Variants in PADI4 observed in about 807,000 individuals in gnomAD.
PADI4 encodes peptidyl arginine deiminase 4.
PADI4 carries 62 observed loss-of-function variants against 75.0 expected under a neutral mutation model. That is an observed-to-expected ratio of 0.83 (90% confidence interval 0.67 to 1.02). The LOEUF (loss-of-function observed/expected upper bound fraction) is 1.02, where lower values mean the gene tolerates loss of function less well. Ranked by LOEUF, PADI4 falls within the 50% of genes least tolerant of loss-of-function variation. The pLI is 0.00. For missense variants in PADI4, 845 were observed against 850.5 expected (o/e 0.99, Z 0.08); for synonymous variants, 361 against 348.1 (o/e 1.04, Z -0.41).
Position 17,340,790 on chromosome 1 carries a change from CTTT to C in PADI4, c.652+992_652+994del, listed in dbSNP as rs138301211. Among the ~76,000 whole-genome samples the C allele has an allele frequency of 7.4e-3, 935 of 126,886 alleles. 10 individuals carry two copies. The highest frequency in any genetic ancestry group is 0.026 in the African/African-American group (869 of 34,062). 83.2% of individuals were successfully genotyped at this position (126,886 alleles called of 152,430 possible). ...ATCATTCTGCCTGGTCTATTCCAAG[CTTT>C]TTTTTTTTTTTTTTAATTTTTTTTT... is the stretch of plus-strand genomic sequence containing the variant. On this transcript the variant is annotated intron_variant, in intron 6 of 15. Coordinates refer to ENST00000375448, the MANE Select transcript of PADI4 (RefSeq NM_012387.3).
intron 1 of PADI4, among the ~76,000 whole-genome samples, chr1:17,325,507 T>A (rs952608734): frequency 6.6e-6 from 1 of 152,142 alleles, no homozygotes; most frequent in African/African-American, 2.4e-5. Context: ...ACTTTTGTCT[T>A]TTTATTTATT....
intron 1 of PADI4, among the ~76,000 whole-genome samples, chr1:17,308,617 G>C (rs1569959427): frequency 1.3e-5 from 2 of 152,340 alleles, no homozygotes; most frequent in South Asian, 4.1e-4. Flanking sequence ...CTTACAGAGA[G>C]TCTGTGACTT....
chr1:17,348,870 C>T (rs1191511266), intron 10 of PADI4: 1 of 152,248 alleles, frequency 6.6e-6, no homozygotes, highest in East Asian at 1.9e-4. Context: ...CTGGCAGCCC[C>T]TTGGCTCAAG....
At chr1:17,355,290 A>G (rs1325732618) in intron 11 of PADI4, among the ~76,000 whole-genome samples, 1 of 152,160 alleles carries the variant, frequency 6.6e-6, no homozygotes, top group Admixed American at 6.5e-5. Context: ...AGTGGCTCAC[A>G]CCTGTAATCC....
chr1:17,339,726 AC>A lies in PADI4; in HGVS notation c.570del (p.Lys191ArgfsTer21). On this transcript the variant is annotated frameshift_variant, in exon 6 of 16. Transcript: ENST00000375448. LOFTEE classifies it high-confidence loss of function. ...GTCGCTGATGACCCTGAGCACGAAG[AC>A]CCCCAAGGACTTCTTCACAAACCAT... ...DMSLMTLSTKTPKDFFTNHTL... is the reference protein window; with the variant it reads ...DMSLMTLSTKXPKDFFTNHTL... 1 of 1,613,734 alleles carries A rather than the reference AC, an allele frequency of 6.2e-7. No individual in the cohort carries two copies. The highest frequency in any genetic ancestry group is 8.5e-7 in the Non-Finnish European group (1 of 1,179,878).
In PADI4 at chr1:17,346,282, T is replaced by C; in HGVS notation, c.1047+143T>C. ...AGGGAGATAGGAACCTGAGAGATCC[T>C]TGGGCCGGGAGGCTCAAGCAAGTGA... On this transcript the variant is annotated intron_variant, in intron 9 of 15. Coordinates refer to ENST00000375448, the MANE Select transcript of PADI4 (RefSeq NM_012387.3). This position sits in a 1 kb window ranked among gnomAD's most constrained non-coding sequence, Gnocchi z 4.3. 1 of 605,252 alleles carries C rather than the reference T, an allele frequency of 1.7e-6. No individual in the cohort carries two copies. The allele number at this position is 605,252 out of a possible 1,614,324, so 37.5% of individuals were successfully genotyped here. A position where few individuals can be genotyped will look rare whatever the true frequency, so the allele number is the denominator to read the frequency against.
In PADI4 at chr1:17,308,403, C is replaced by T. The variant is rs2073710926; in HGVS notation, c.92+89C>T. 5.7e-6 allele frequency: 6 copies of T among 1,046,304 alleles called. No homozygotes were observed. The East Asian group carries it at 9.9e-5, about 17-fold the overall frequency. 64.8% of individuals were successfully genotyped at this position (1,046,304 alleles called of 1,614,324 possible). On this transcript the variant is annotated intron_variant, in intron 1 of 15. Coordinates refer to ENST00000375448, the MANE Select transcript of PADI4 (RefSeq NM_012387.3). ...CTGACACAGGAGCATGTGTTTGGCCCAGGCTCTAGGCTCCAGCCTCTGCAG... is the reference window on the plus strand; with the variant it reads ...CTGACACAGGAGCATGTGTTTGGCCTAGGCTCTAGGCTCCAGCCTCTGCAG...
intron 4 of PADI4, among the ~76,000 whole-genome samples, chr1:17,337,302 C>T (rs187865963): frequency 1.6e-3 from 244 of 152,256 alleles, no homozygotes; most frequent in African/African-American, 5.4e-3. Flanking sequence ...CATGCCTCCA[C>T]GCCCAGCTAA....
At chr1:17,348,220 A>T in intron 10 of PADI4, 172 bp downstream of exon 10, 1 of 508,448 alleles carries the variant, frequency 2.0e-6, no homozygotes. Context: ...TTTTTTTATT[A>T]CCAAGATAAG....
At position 17,333,900 on chromosome 1, in the gene PADI4, T is replaced by A. The variant is rs763119139; in HGVS notation, c.274-43T>A. On this transcript the variant is annotated intron_variant, in intron 2 of 15. Transcript: ENST00000375448. ...TAGGAGGGGGTCCAGTGGGTGTTTGTTGAATGACTAAGAGAAGTCATTAGT... is the reference window on the plus strand; with the variant it reads ...TAGGAGGGGGTCCAGTGGGTGTTTGATGAATGACTAAGAGAAGTCATTAGT... 2.0e-6 allele frequency: 3 copies of A among 1,477,810 alleles called. No individual in the cohort carries two copies. In the South Asian group the frequency reaches 3.4e-5, roughly 17 times the overall value. The allele number at this position is 1,477,810 out of a possible 1,614,324, so 91.5% of individuals were successfully genotyped here. A position where few individuals can be genotyped will look rare whatever the true frequency, so the allele number is the denominator to read the frequency against.
intron 9 of PADI4, 45 bp from the exon 10 acceptor site, chr1:17,347,896 C>T: frequency 8.5e-7 from 1 of 1,178,248 alleles, no homozygotes; most frequent in Non-Finnish European, 1.2e-6. Context: ...GGCACCAAGA[C>T]CCAGGCAGCA....
rs752302139 is a variant in PADI4, at chr1:17,341,941, AG to A, written c.656del. ...CCTGAGTCTCCCCTGCCTCTCTCCT[AG>A]GGGGCAAACTGTCCTCCAAGTGCAG... is the stretch of plus-strand genomic sequence containing the variant. On this transcript the variant is annotated splice_acceptor_variant, in intron 6 of 15. Transcript: ENST00000375448. LOFTEE classifies it high-confidence loss of function. 6.2e-7 allele frequency: 1 copy of A among 1,612,416 alleles called. No individual in the cohort carries two copies. The highest frequency in any genetic ancestry group is 1.7e-5 in the Admixed American group (1 of 59,890).
rs377535838 is a variant in PADI4 at position 17,320,781 on chromosome 1, CT to C, written c.93-10187del. Among the ~76,000 whole-genome samples the C allele has an allele frequency of 7.0e-4, 107 of 152,314 alleles. 2 individuals carry two copies. The East Asian group carries it at 0.018, about 26-fold the overall frequency. On this transcript the variant is annotated intron_variant, in intron 1 of 15. Coordinates refer to ENST00000375448, the MANE Select transcript of PADI4 (RefSeq NM_012387.3). ...AGGTCTTTATGACCTGTGTCTTGTG[CT>C]GACCTCCTATCTCATCCTGTGACTT...
chr1:17,327,432 G>A (rs183026190), intron 1 of PADI4, among the ~76,000 whole-genome samples: 11 of 151,744 alleles, frequency 7.2e-5, no homozygotes, highest in African/African-American at 9.7e-5. Flanking sequence ...TTTCTGGATC[G>A]TTATATTTTA....
At chr1:17,311,669 C>G (rs995753539) in intron 1 of PADI4, among the ~76,000 whole-genome samples, 1 of 152,032 alleles carries the variant, frequency 6.6e-6, no homozygotes, top group South Asian at 2.1e-4. Context: ...GGACTACAGG[C>G]GCCTGCCACC....
At position 17,333,979 on chromosome 1, in the gene PADI4, G is replaced by C; in HGVS notation, c.310G>C (p.Val104Leu). The part of the protein sequence containing the change: ...ISYYGPKTPP[V>L]KALLYLTGVE... Reference sequence around the variant, plus strand: ...ATACTACGGACCCAAGACTCCACCAGTCAAAGCTCTACTCTACCTCACCGG... The same window carrying C: ...ATACTACGGACCCAAGACTCCACCACTCAAAGCTCTACTCTACCTCACCGG... Residue 104 changes from valine (V) to leucine (L), a missense_variant, in exon 3 of 16, where the codon GTC becomes CTC. Val to Leu is a conservative substitution (Grantham distance 32, BLOSUM62 1). Coordinates refer to ENST00000375448, the MANE Select transcript of PADI4 (RefSeq NM_012387.3). The C allele has an allele frequency of 6.2e-7, 1 of 1,613,114 alleles. No individual in the cohort carries two copies. Among genetic ancestry groups the C allele is most frequent in the Non-Finnish European group, 8.5e-7 (1 of 1,179,100 alleles).
chr1:17,334,092 C>T, intron 3 of PADI4, 83 bp downstream of exon 3: 2 of 883,146 alleles, frequency 2.3e-6, no homozygotes, highest in Non-Finnish European at 3.8e-6. Flanking sequence ...GTAGGAGAAA[C>T]TACACCTGGA....
At chr1:17,324,201 G>A (rs139823998) in intron 1 of PADI4, among the ~76,000 whole-genome samples, 39 of 145,926 alleles carry the variant, frequency 2.7e-4, no homozygotes, top group African/African-American at 9.7e-4. Flanking sequence ...CCAGTAAGCA[G>A]TGTGTTAGAG....
intron 8 of PADI4, among the ~76,000 whole-genome samples, chr1:17,343,156 T>C (rs1215154568): frequency 6.6e-6 from 1 of 152,170 alleles, no homozygotes; most frequent in African/African-American, 2.4e-5. Flanking sequence ...CATTGCACTC[T>C]AGCCTGGGCG....
Sources: allele counts gnomAD v4.1 joint callset (sites outside exome capture counted in the v4.1 genomes callset), GRCh38; gene constraint gnomAD v4.1.1; non-coding constraint Gnocchi (gnomAD v3.1); transcripts MANE v1.5; gene names NCBI Gene and HGNC (gene_info 2026-07-23, HGNC 2026-07-21).